Variants in LPP observed in about 807,000 individuals in gnomAD.
The protein encoded by LPP is LIM domain containing preferred translocation partner in lipoma.
Under a neutral mutation model 60.4 loss-of-function variants are expected in LPP, and 38 were observed. The observed-to-expected ratio is 0.63, with a 90% CI of 0.49 to 0.83. LPP has a LOEUF of 0.83. LPP is among the 40% of genes least tolerant of loss of function. LPP has a pLI of 0.00. For missense variants in LPP, 902 were observed against 783.6 expected (o/e 1.15, Z -1.80); for synonymous variants, 328 against 290.8 (o/e 1.13, Z -1.30).
intron 1 of LPP, among the ~76,000 whole-genome samples, chr3:188,196,137 C>T (rs1354987948): frequency 1.3e-5 from 2 of 152,180 alleles, no homozygotes; most frequent in Non-Finnish European, 2.9e-5. Context: ...TCCTTTACCT[C>T]CCTAGCCTCT....
At chr3:188,336,524 T>C (rs1761685304) in intron 2 of LPP, among the ~76,000 whole-genome samples, 1 of 152,128 alleles carries the variant, frequency 6.6e-6, no homozygotes, top group Non-Finnish European at 1.5e-5. Context: ...AGGCACCATG[T>C]AGTAGTGATT....
chr3:188,613,562 T>A (rs1844280473), intron 7 of LPP, among the ~76,000 whole-genome samples: 1 of 152,152 alleles, frequency 6.6e-6, no homozygotes. Context: ...GAGAATCTTG[T>A]CCCAATTAGT....
chr3:188,288,589 CACACAT>C (rs1283971670), intron 2 of LPP, among the ~76,000 whole-genome samples: 2 of 151,496 alleles, frequency 1.3e-5, no homozygotes, highest in African/African-American at 4.9e-5. Flanking sequence ...TGCACACACA[CACACAT>C]ACACACAGAT....
intron 5 of LPP, among the ~76,000 whole-genome samples, chr3:188,499,714 GTTA>G (rs1162493891): frequency 6.6e-6 from 1 of 152,056 alleles, no homozygotes; most frequent in East Asian, 1.9e-4. Context: ...TGACATCTTA[GTTA>G]TATTAAGTCT....
At chr3:188,822,381 C>G (rs1353234780) in intron 9 of LPP, among the ~76,000 whole-genome samples, 2 of 151,982 alleles carry the variant, frequency 1.3e-5, no homozygotes, top group African/African-American at 4.8e-5. Flanking sequence ...AGAAATGCAT[C>G]AAGAGGGTTG....
chr3:188,820,544 GA>G (rs1383406489), intron 9 of LPP, among the ~76,000 whole-genome samples: 2 of 151,988 alleles, frequency 1.3e-5, no homozygotes, highest in East Asian at 3.9e-4. Flanking sequence ...TCATATATGT[GA>G]ATGTGAATTC....
In LPP at chr3:188,438,141, G is replaced by A. The variant is rs376793668; in HGVS notation, c.193+31828G>A. The stretch of plus-strand genomic sequence containing the variant: ...TTGGACTGGATCATGTCGTTTCATT[G>A]CAGTCAGGATGGCTAAGCATGGTGA... On this transcript the variant is annotated intron_variant, in intron 4 of 11. Transcript: ENST00000617246. Among the ~76,000 whole-genome samples the A allele has an allele frequency of 6.1e-4, 93 of 152,102 alleles. 3 individuals are homozygous for A. The South Asian group carries it at 0.018, about 29-fold the overall frequency.
intron 3 of LPP, among the ~76,000 whole-genome samples, chr3:188,399,005 C>T (rs962171167): frequency 6.6e-6 from 1 of 152,186 alleles, no homozygotes; most frequent in East Asian, 1.9e-4. Flanking sequence ...CGGGTGATAT[C>T]GAATCTGCTT....
intron 7 of LPP, among the ~76,000 whole-genome samples, chr3:188,620,050 T>C (rs1845524628): frequency 6.6e-6 from 1 of 152,184 alleles, no homozygotes; most frequent in Non-Finnish European, 1.5e-5. Context: ...TTTTTTCTCA[T>C]AGCATTTTTT....
intron 6 of LPP, among the ~76,000 whole-genome samples, 161 bp downstream of exon 6, chr3:188,524,948 C>A: frequency 9.3e-6 from 1 of 107,976 alleles, no homozygotes; most frequent in Non-Finnish European, 2.0e-5. Flanking sequence ...TCCTTCCTTC[C>A]TCTCTCTCTC....
At chr3:188,647,435 T>A (rs1331060874) in intron 7 of LPP, among the ~76,000 whole-genome samples, 1 of 152,240 alleles carries the variant, frequency 6.6e-6, no homozygotes, top group African/African-American at 2.4e-5. Flanking sequence ...AAGACTTGAT[T>A]CACTTGTTCC....
chr3:188,683,229 T>C (rs1406290920), intron 7 of LPP, among the ~76,000 whole-genome samples: 2 of 152,002 alleles, frequency 1.3e-5, no homozygotes, highest in South Asian at 2.1e-4. Flanking sequence ...GGGATGTCTA[T>C]ACACATTCTC....
intron 7 of LPP, among the ~76,000 whole-genome samples, chr3:188,628,141 A>G (rs987321180): frequency 2.0e-5 from 3 of 152,122 alleles, no homozygotes; most frequent in African/African-American, 7.2e-5. Context: ...AAACACCTAC[A>G]TCTGTAAGTT....
intron 3 of LPP, among the ~76,000 whole-genome samples, chr3:188,371,904 C>T (rs1220198341): frequency 2.0e-5 from 3 of 151,152 alleles, no homozygotes; most frequent in Admixed American, 6.6e-5. Context: ...GTGATCCGCC[C>T]GTCTTGGCTT....
intron 4 of LPP, among the ~76,000 whole-genome samples, chr3:188,434,518 C>T (rs9851525): frequency 0.28 from 41,963 of 151,960 alleles, 5,968 homozygotes; most frequent in Non-Finnish European, 0.29. Flanking sequence ...CAAGTTCAGT[C>T]TTGGTGAAGA....
intron 3 of LPP, among the ~76,000 whole-genome samples, chr3:188,379,503 C>CA (rs938741692): frequency 6.6e-6 from 1 of 151,964 alleles, no homozygotes; most frequent in Non-Finnish European, 1.5e-5. Context: ...TGTCCCTCAC[C>CA]AAAAAACAAA....
intron 9 of LPP, among the ~76,000 whole-genome samples, chr3:188,802,296 TA>T (rs1467356467): frequency 6.6e-6 from 1 of 152,200 alleles, no homozygotes; most frequent in African/African-American, 2.4e-5. Flanking sequence ...GCAGGTTATT[TA>T]TACTGTCAGT....
intron 3 of LPP, among the ~76,000 whole-genome samples, chr3:188,361,875 G>A (rs1769532651): frequency 6.6e-6 from 1 of 152,072 alleles, no homozygotes; most frequent in African/African-American, 2.4e-5. Context: ...GCCCCTCTAG[G>A]TTTTCTTAAG....
chr3:188,449,362 C>T (rs7620227), intron 4 of LPP, among the ~76,000 whole-genome samples: 144,873 of 152,296 alleles, frequency 0.95, 69,085 homozygotes, highest in East Asian at 0.99. Context: ...AGAAGCCTAA[C>T]GGGCTTGGAA....
Sources: allele counts gnomAD v4.1 joint callset (sites outside exome capture counted in the v4.1 genomes callset), GRCh38; gene constraint gnomAD v4.1.1; transcripts MANE v1.5; gene names NCBI Gene and HGNC (gene_info 2026-07-23, HGNC 2026-07-21).